The following NRXN2 variants were observed in gnomAD, a reference collection of about 807,000 sequenced individuals.
The protein encoded by NRXN2 is neurexin 2, also known as neurexin-2-beta.
NRXN2 carries 29 observed loss-of-function variants against 128.8 expected under a neutral mutation model. The observed-to-expected ratio is 0.23, with a 90% confidence interval of 0.17 to 0.31. The LOEUF (loss-of-function observed/expected upper bound fraction) is 0.31, where lower values mean the gene tolerates loss of function less well. Ranked by LOEUF, NRXN2 falls within the 10% of genes least tolerant of loss-of-function variation. The pLI, the probability that NRXN2 is intolerant of heterozygous loss-of-function variation, is 1.00. For synonymous variants in NRXN2, 1,098 were observed against 1,075.2 expected, an observed-to-expected ratio of 1.02 and a Z score of -0.41; for missense variants, 1,881 against 2,452.6, an observed-to-expected ratio of 0.77 and a Z score of 4.92.
At chr11:64,694,236 A>G (rs1042855700) in intron 3 of NRXN2, among the ~76,000 whole-genome samples, 7 of 152,184 alleles carry the variant, frequency 4.6e-5, no homozygotes, top group Non-Finnish European at 7.4e-5. Flanking sequence ...CCAAGAGGGT[A>G]GGAAGGGGAA....
intron 5 of NRXN2, among the ~76,000 whole-genome samples, chr11:64,687,373 TTC>T (rs144741968): frequency 1.3e-5 from 2 of 152,276 alleles, no homozygotes; most frequent in Admixed American, 6.5e-5. Context: ...CACAGCCTGC[TTC>T]TCTCTCTCTA....
chr11:64,606,462 C>T lies in NRXN2; in HGVS notation c.*734G>A, dbSNP rs2039659283. On this transcript the variant is annotated 3_prime_UTR_variant, in exon 23 of 23. Coordinates refer to ENST00000265459, the MANE Select transcript of NRXN2 (RefSeq NM_015080.4). ...CTCCCTCCCACCCCCCACCCCTGCT[C>T]CTCCAGCAGCTTCCCCATCAATGCA... 4.0e-5 allele frequency: 5 copies of T among 125,174 alleles called. No homozygotes were observed. The South Asian group carries it at 1.5e-3, about 39-fold the overall frequency. The allele number at this position is 125,174 out of a possible 1,614,324, so 7.8% of individuals were successfully genotyped here.
chr11:64,698,344 GACCCA>G (rs1330002202), intron 2 of NRXN2, among the ~76,000 whole-genome samples: 3 of 152,090 alleles, frequency 2.0e-5, no homozygotes, highest in Non-Finnish European at 4.4e-5. Context: ...CTGCACACAG[GACCCA>G]ACCACCTACG....
intron 4 of NRXN2, among the ~76,000 whole-genome samples, 161 bp from the exon 5 acceptor site, chr11:64,690,637 G>A (rs989322508): frequency 9.2e-5 from 14 of 152,128 alleles, no homozygotes; most frequent in African/African-American, 3.4e-4. Context: ...GACCTCTAAG[G>A]AAGGAGCCGC....
chr11:64,702,145 C>A (rs1297225420), intron 2 of NRXN2, among the ~76,000 whole-genome samples: 6 of 139,538 alleles, frequency 4.3e-5, no homozygotes, highest in South Asian at 2.4e-4. Context: ...GTCAGCCCCC[C>A]ACCCGGCCAG....
intron 11 of NRXN2, among the ~76,000 whole-genome samples, chr11:64,654,686 A>G (rs2047994124): frequency 6.6e-6 from 1 of 152,232 alleles, no homozygotes; most frequent in Admixed American, 6.5e-5. Flanking sequence ...CAGAGGGAAC[A>G]GTGGACCAGG....
At chr11:64,699,430 T>TTTC (rs2055001395) in intron 2 of NRXN2, among the ~76,000 whole-genome samples, 2 of 132,496 alleles carry the variant, frequency 1.5e-5, no homozygotes, top group Non-Finnish European at 3.2e-5. Flanking sequence ...GTTTTCTTTT[T>TTTC]TTTTTTTTTT....
At chr11:64,700,002 G>A (rs1349494797) in intron 2 of NRXN2, among the ~76,000 whole-genome samples, 1 of 152,150 alleles carries the variant, frequency 6.6e-6, no homozygotes, top group African/African-American at 2.4e-5. Context: ...AACCAGGCTT[G>A]GTTTGTTTCT....
At chr11:64,670,199 A>G (rs373566121) in intron 7 of NRXN2, among the ~76,000 whole-genome samples, 20 of 152,200 alleles carry the variant, frequency 1.3e-4, no homozygotes, top group African/African-American at 4.6e-4. Context: ...GTGCTGGGGT[A>G]ACTAGGTTCA....
intron 2 of NRXN2, among the ~76,000 whole-genome samples, chr11:64,704,621 CACAGAGAG>C (rs1223306924): frequency 1.9e-4 from 17 of 88,914 alleles, no homozygotes; most frequent in African/African-American, 2.6e-4. Context: ...CACACACACA[CACAGAGAG>C]AGAGAGAGAG....
chr11:64,710,640 C>G (rs2056799182), intron 2 of NRXN2, among the ~76,000 whole-genome samples: 1 of 152,150 alleles, frequency 6.6e-6, no homozygotes, highest in African/African-American at 2.4e-5. Flanking sequence ...TTTTCTTAGG[C>G]AGGCTTTGGG....
chr11:64,718,589 G>T (rs931999655), intron 1 of NRXN2, among the ~76,000 whole-genome samples: 3 of 152,190 alleles, frequency 2.0e-5, no homozygotes, highest in African/African-American at 7.2e-5. Flanking sequence ...TCGGGGGGTG[G>T]TGAGTTCCCC....
chr11:64,619,374 C>T (rs981247698), intron 22 of NRXN2, among the ~76,000 whole-genome samples: 1 of 152,070 alleles, frequency 6.6e-6, no homozygotes, highest in Non-Finnish European at 1.5e-5. Flanking sequence ...CCACCCTCCC[C>T]CAGCTGCTCT....
At chr11:64,645,302 T>G (rs2046473754) in intron 17 of NRXN2, among the ~76,000 whole-genome samples, 1 of 147,716 alleles carries the variant, frequency 6.8e-6, no homozygotes, top group Non-Finnish European at 1.5e-5. Flanking sequence ...TACCAGTGAG[T>G]GGGAACTGGA....
chr11:64,607,565 C>T lies in NRXN2; in HGVS notation c.4770G>A (p.Pro1590=), dbSNP rs753250263. The change falls in exon 23 of 23, where the codon CCG becomes CCA. Residue 1590 remains proline, a synonymous_variant. Transcript: ENST00000265459. ...CGGGGCGCAGGGGAGGGGGCCTCCG[C>T]GGCTCAAAGGACGTGGGGGCCCCGG... ...LGPGAPTSFE[P]RRPPPLRPGV... 1.3e-6 allele frequency: 2 copies of T among 1,536,726 alleles called. No homozygotes were observed. Among genetic ancestry groups the T allele is most frequent in the Non-Finnish European group, 1.7e-6 (2 of 1,145,602 alleles).
chr11:64,651,818 G>C lies in NRXN2; in HGVS notation c.2537-182C>G, dbSNP rs1024472751. On this transcript the variant is annotated intron_variant, in intron 13 of 22. Transcript: ENST00000265459. This position sits in a 1 kb window ranked among gnomAD's most constrained non-coding sequence, Gnocchi z 5.9. ...GAGTGGCAGGACTCGCCAGTCAAGAGCCAACAGGCTGCCAGGGGAATGCTG... is the reference window on the plus strand; with the variant it reads ...GAGTGGCAGGACTCGCCAGTCAAGACCCAACAGGCTGCCAGGGGAATGCTG... 2.6e-5 allele frequency among the ~76,000 whole-genome samples: 4 copies of C among 152,134 alleles called. No homozygotes were observed. Among genetic ancestry groups the C allele is most frequent in the African/African-American group, 9.7e-5 (4 of 41,414 alleles).
intron 2 of NRXN2, among the ~76,000 whole-genome samples, chr11:64,703,107 TATTA>T (rs1452068135): frequency 3.3e-5 from 5 of 152,070 alleles, no homozygotes; most frequent in South Asian, 4.1e-4. Context: ...TACATTCTAT[TATTA>T]ATTATCTTAT....
At chr11:64,702,139 G>GC (rs1344305717) in intron 2 of NRXN2, among the ~76,000 whole-genome samples, 3 of 139,840 alleles carry the variant, frequency 2.1e-5, no homozygotes, top group African/African-American at 5.4e-5. Flanking sequence ...GGGGGGGTCA[G>GC]CCCCCCACCC....
intron 1 of NRXN2, among the ~76,000 whole-genome samples, chr11:64,715,084 T>C (rs2057257115): frequency 6.6e-6 from 1 of 151,950 alleles, no homozygotes; most frequent in African/African-American, 2.4e-5. Context: ...GCCTGGAAAG[T>C]AACAGAGATG....
Sources: gnomAD v4.1 joint callset for allele counts (sites outside exome capture counted in the v4.1 genomes callset) on GRCh38, gnomAD v4.1.1 for gene constraint, Gnocchi (gnomAD v3.1) non-coding constraint, MANE v1.5 for transcripts, NCBI Gene and HGNC (gene_info 2026-07-23, HGNC 2026-07-21) for gene names.